MACROD2: variants seen among roughly 807,000 people sequenced by gnomAD.
MACROD2 encodes ADP-ribose glycohydrolase MACROD2.
In MACROD2, 36 loss-of-function variants were observed where a neutral mutation model predicts 70.4. That is an observed-to-expected ratio of 0.51 (90% confidence interval 0.39 to 0.68). MACROD2 has a LOEUF of 0.68. MACROD2 is among the 30% of genes least tolerant of loss of function. The pLI is 0.00. For synonymous variants in MACROD2, 172 were observed against 178.8 expected, an observed-to-expected ratio of 0.96 and a Z score of 0.30; for missense variants, 496 against 538.4, an observed-to-expected ratio of 0.92 and a Z score of 0.78.
intron 5 of MACROD2, among the ~76,000 whole-genome samples, chr20:14,897,201 C>G (rs2073840630): frequency 6.6e-6 from 1 of 152,088 alleles, no homozygotes; most frequent in African/African-American, 2.4e-5. Flanking sequence ...CAGATACTTT[C>G]TATGGACTGA....
intron 3 of MACROD2, among the ~76,000 whole-genome samples, chr20:14,255,074 G>C (rs938950862): frequency 7.9e-5 from 12 of 152,012 alleles, no homozygotes; most frequent in African/African-American, 2.7e-4. Context: ...CCCCCACTCT[G>C]TTCTGGCTTG....
At chr20:15,768,118 G>A (rs2051558138) in intron 8 of MACROD2, among the ~76,000 whole-genome samples, 1 of 150,536 alleles carries the variant, frequency 6.6e-6, no homozygotes, top group Non-Finnish European at 1.5e-5. Flanking sequence ...GAGGCTGTGT[G>A]TGTGTTTGTG....
At chr20:15,551,148 T>C (rs1034430843) in intron 8 of MACROD2, among the ~76,000 whole-genome samples, 1 of 152,164 alleles carries the variant, frequency 6.6e-6, no homozygotes, top group African/African-American at 2.4e-5. Flanking sequence ...GCTCCATTTA[T>C]AGGCTTTCAA....
intron 5 of MACROD2, among the ~76,000 whole-genome samples, chr20:14,940,940 A>G (rs1238140271): frequency 1.3e-5 from 2 of 151,098 alleles, no homozygotes; most frequent in Non-Finnish European, 2.9e-5. Flanking sequence ...CCTCTTCTTT[A>G]ATTTTTTTGA....
chr20:14,066,407 G>A (rs1787310704), intron 2 of MACROD2, among the ~76,000 whole-genome samples: 3 of 152,158 alleles, frequency 2.0e-5, no homozygotes, highest in Non-Finnish European at 2.9e-5. Context: ...TTACAGAAAT[G>A]TTCACTGTTT....
chr20:14,231,021 AT>A (rs1383753366), intron 3 of MACROD2, among the ~76,000 whole-genome samples: 5 of 151,908 alleles, frequency 3.3e-5, no homozygotes, highest in African/African-American at 1.2e-4. Flanking sequence ...GTAAGTCTCA[AT>A]AGTAATCTTA....
intron 3 of MACROD2, among the ~76,000 whole-genome samples, chr20:14,467,874 A>C (rs2084476182): frequency 6.6e-6 from 1 of 152,124 alleles, no homozygotes; most frequent in Non-Finnish European, 1.5e-5. Flanking sequence ...TATATCCAGC[A>C]GTCACTCAGG....
rs148105917 is a variant in MACROD2, at chr20:14,912,587, A to C, written c.418+227628A>C. 4.6e-3 allele frequency among the ~76,000 whole-genome samples: 707 copies of C among 152,268 alleles called. 3 individuals are homozygous for C. Among genetic ancestry groups the C allele is most frequent in the African/African-American group, 0.016 (677 of 41,560 alleles). Reference sequence around the variant, plus strand: ...AAGAAGAGTTGAATTCTGAAGAATGACTTCAGACAGTAATCATTGGAGGTG... The same window carrying C: ...AAGAAGAGTTGAATTCTGAAGAATGCCTTCAGACAGTAATCATTGGAGGTG... On this transcript the variant is annotated intron_variant, in intron 5 of 17. Transcript: ENST00000684519.
chr20:14,472,977 A>G (rs1386596460), intron 3 of MACROD2, among the ~76,000 whole-genome samples: 1 of 152,170 alleles, frequency 6.6e-6, no homozygotes, highest in Non-Finnish European at 1.5e-5. Flanking sequence ...TTCGGACTTT[A>G]TAGTCAAGAC....
At chr20:15,592,681 C>T (rs2048694889) in intron 8 of MACROD2, among the ~76,000 whole-genome samples, 1 of 152,184 alleles carries the variant, frequency 6.6e-6, no homozygotes, top group Non-Finnish European at 1.5e-5. Flanking sequence ...TAAAAACTCC[C>T]TAATTCCTTT....
chr20:15,444,042 C>T (rs991024256), intron 7 of MACROD2, among the ~76,000 whole-genome samples: 4 of 152,118 alleles, frequency 2.6e-5, no homozygotes, highest in African/African-American at 9.7e-5. Flanking sequence ...TCATCATGCC[C>T]AAAAGAAATC....
At chr20:15,417,614 AAAG>A (rs747348799) in intron 6 of MACROD2, among the ~76,000 whole-genome samples, 8,024 of 108,636 alleles carry the variant, frequency 0.074, 386 homozygotes, top group Non-Finnish European at 0.13. Flanking sequence ...AAAAAAAAAA[AAAG>A]AAAGAAAGAA....
chr20:14,937,321 G>T (rs1600848784), intron 5 of MACROD2, among the ~76,000 whole-genome samples: 2 of 152,202 alleles, frequency 1.3e-5, no homozygotes, highest in South Asian at 2.1e-4. Context: ...GGTGGTGGTG[G>T]TTGTAGGGCA....
At chr20:13,996,368 C>G (rs953407577) in intron 1 of MACROD2, 1 of 160,322 alleles carries the variant, frequency 6.2e-6, no homozygotes, top group Non-Finnish European at 1.3e-5. Context: ...GCTGCCGCAG[C>G]GTGACTTTTG....
intron 3 of MACROD2, among the ~76,000 whole-genome samples, chr20:14,149,901 C>T (rs2054993951): frequency 6.6e-6 from 1 of 151,710 alleles, no homozygotes; most frequent in Admixed American, 6.6e-5. Context: ...TATTTTTTTT[C>T]CCAGACAAAT....
chr20:14,231,747 G>A (rs1431680622), intron 3 of MACROD2, among the ~76,000 whole-genome samples: 2 of 152,172 alleles, frequency 1.3e-5, no homozygotes, highest in Non-Finnish European at 2.9e-5. Context: ...CTAGTTTACA[G>A]TCCCATCAAC....
intron 3 of MACROD2, among the ~76,000 whole-genome samples, chr20:14,116,353 C>T (rs1454694761): frequency 1.3e-5 from 2 of 152,158 alleles, no homozygotes; most frequent in Admixed American, 6.5e-5. Context: ...TACGTATCTC[C>T]AATGCTTTGT....
intron 13 of MACROD2, among the ~76,000 whole-genome samples, chr20:15,977,196 T>G (rs6074984): frequency 0.13 from 19,082 of 152,164 alleles, 1,351 homozygotes; most frequent in East Asian, 0.25. Flanking sequence ...ATGATTAGGT[T>G]CAATGGCCAG....
rs552700571 is a variant in MACROD2 at position 14,265,995 on chromosome 20, C to G, written c.271+180267C>G. ...GTTTCACCGTGTTAGCCAGGATGGT[C>G]TCAATCTCCTGACCTCGTGATCTGC... On this transcript the variant is annotated intron_variant, in intron 3 of 17. Transcript: ENST00000684519. Among the ~76,000 whole-genome samples, 34 of 152,276 alleles carry G rather than the reference C, an allele frequency of 2.2e-4. No individual in the cohort carries two copies. In the East Asian group the frequency reaches 6.4e-3, roughly 29 times the overall value.
Sources: allele counts gnomAD v4.1 joint callset (sites outside exome capture counted in the v4.1 genomes callset), GRCh38; gene constraint gnomAD v4.1.1; transcripts MANE v1.5; gene names NCBI Gene and HGNC (gene_info 2026-07-23, HGNC 2026-07-21).